The following COLEC10 variants were observed in gnomAD, a reference collection of about 807,000 sequenced individuals.
COLEC10 encodes the protein collectin-10.
COLEC10 carries 22 observed loss-of-function variants against 28.4 expected under a neutral mutation model. The observed-to-expected ratio is 0.78, with a 90% confidence interval of 0.55 to 1.11. The LOEUF (loss-of-function observed/expected upper bound fraction) is 1.11. COLEC10 is among the 50% of genes least tolerant of loss of function. The pLI is 0.00. For missense variants in COLEC10, 361 were observed against 344.1 expected, an observed-to-expected ratio of 1.05 and a Z score of -0.39; for synonymous variants, 125 against 116.1, an observed-to-expected ratio of 1.08 and a Z score of -0.49.
At chr8:119,093,748 T>C (rs1815657620) in intron 3 of COLEC10, among the ~76,000 whole-genome samples, 1 of 152,212 alleles carries the variant, frequency 6.6e-6, no homozygotes, top group Non-Finnish European at 1.5e-5. Flanking sequence ...CACCCATGGA[T>C]GATATATTTG....
chr8:119,000,576 C>T (rs528101336), intron 1 of COLEC10, among the ~76,000 whole-genome samples: 4 of 151,984 alleles, frequency 2.6e-5, no homozygotes, highest in African/African-American at 7.2e-5. Flanking sequence ...TACATCTGAA[C>T]ATGGAGTCTA....
chr8:119,069,546 GCATGGGCCATGAT>G (rs1300491157), intron 1 of COLEC10, among the ~76,000 whole-genome samples: 1 of 140,244 alleles, frequency 7.1e-6, no homozygotes, highest in Non-Finnish European at 1.5e-5. Flanking sequence ...AGTTGAGCCT[GCATGGGCCATGAT>G]CATGCCACTT....
At chr8:119,044,445 G>A (rs903611063) in intron 2 of COLEC10, among the ~76,000 whole-genome samples, 2 of 152,142 alleles carry the variant, frequency 1.3e-5, no homozygotes, top group African/African-American at 4.8e-5. Flanking sequence ...GTGTAGTTTT[G>A]CAAGGTGTAT....
intron 2 of COLEC10, among the ~76,000 whole-genome samples, chr8:119,055,368 A>AGT (rs1814742932): frequency 6.6e-6 from 1 of 152,102 alleles, no homozygotes; most frequent in South Asian, 2.1e-4. Flanking sequence ...CGTGCTCTTT[A>AGT]GTAACTCAAT....
the COLEC10 span, among the ~76,000 whole-genome samples, chr8:118,984,352 G>C: frequency 6.6e-6 from 1 of 152,080 alleles, no homozygotes; most frequent in East Asian, 1.9e-4. Flanking sequence ...GGTGGGAGAA[G>C]GGAGAGGATC....
the COLEC10 span, among the ~76,000 whole-genome samples, chr8:118,971,649 C>T: frequency 2.5e-4 from 38 of 151,934 alleles, no homozygotes; most frequent in Non-Finnish European, 4.7e-4. Flanking sequence ...GTATGCTATG[C>T]AGCCATTTTA....
At chr8:119,103,009 T>C (rs981202806) in intron 4 of COLEC10, among the ~76,000 whole-genome samples, 1 of 152,138 alleles carries the variant, frequency 6.6e-6, no homozygotes, top group African/African-American at 2.4e-5. Context: ...AGGCCATAGA[T>C]TTTTTTCCTT....
the COLEC10 span, among the ~76,000 whole-genome samples, chr8:118,967,199 T>C: frequency 4.6e-5 from 7 of 152,204 alleles, no homozygotes; most frequent in Non-Finnish European, 7.4e-5. Context: ...GGTAGGGGTC[T>C]GGCAAAAGTG....
the COLEC10 span, among the ~76,000 whole-genome samples, chr8:118,972,242 A>G: frequency 7.2e-5 from 11 of 151,946 alleles, no homozygotes; most frequent in Non-Finnish European, 1.5e-4. Context: ...CCACCAGCCC[A>G]GGTCTCTAGA....
chr8:119,065,721 A>G (rs1242613632), upstream of COLEC10, among the ~76,000 whole-genome samples: 5 of 151,700 alleles, frequency 3.3e-5, no homozygotes, highest in Non-Finnish European at 7.4e-5. Context: ...AGCCAGGTGC[A>G]GTGGTGTACA....
intron 2 of COLEC10, among the ~76,000 whole-genome samples, chr8:119,035,564 T>C (rs1171581535): frequency 6.6e-6 from 1 of 152,212 alleles, no homozygotes. Context: ...CAGAAAACCT[T>C]TCCTGAAAAG....
intron 2 of COLEC10, among the ~76,000 whole-genome samples, chr8:119,039,428 G>A (rs1261951048): frequency 6.6e-6 from 1 of 152,154 alleles, no homozygotes; most frequent in Non-Finnish European, 1.5e-5. Flanking sequence ...CCTAAGAGGG[G>A]AGGAACTACA....
intron 2 of COLEC10, among the ~76,000 whole-genome samples, chr8:119,026,892 G>T (rs951073235): frequency 6.6e-6 from 1 of 152,140 alleles, no homozygotes; most frequent in Non-Finnish European, 1.5e-5. Context: ...GGCTGCCCCT[G>T]GGAAGGGGAG....
At chr8:118,976,136 C>G in the COLEC10 span, among the ~76,000 whole-genome samples, 1 of 151,954 alleles carries the variant, frequency 6.6e-6, no homozygotes, top group East Asian at 1.9e-4. Context: ...CAGGTAGTAT[C>G]CAAATAAATT....
chr8:119,078,295 C>A (rs1176325814), intron 1 of COLEC10, among the ~76,000 whole-genome samples: 1 of 152,192 alleles, frequency 6.6e-6, no homozygotes, highest in Non-Finnish European at 1.5e-5. Flanking sequence ...TTGTTTGTAT[C>A]TGATCCAGTC....
intron 2 of COLEC10, among the ~76,000 whole-genome samples, chr8:119,018,790 T>A (rs7004052): frequency 0.58 from 88,756 of 151,978 alleles, 26,621 homozygotes; most frequent in African/African-American, 0.72. Context: ...TTCTTCCCTT[T>A]AGCATGGAGA....
chr8:118,975,795 T>C, the COLEC10 span, among the ~76,000 whole-genome samples: 14 of 152,124 alleles, frequency 9.2e-5, no homozygotes, highest in Admixed American at 7.9e-4. Flanking sequence ...AGAGGAAGAA[T>C]GACCAGGTGA....
At position 119,105,782 on chromosome 8, in the gene COLEC10, C is replaced by A. The variant is rs11987106; in HGVS notation, c.443-18C>A. 0.041 allele frequency: 65,529 copies of A among 1,585,038 alleles called. 3,829 individuals carry two copies. The highest frequency in any genetic ancestry group is 0.28 in the African/African-American group (21,023 of 73,984). ...CTTTTTGAGATACGTAATGATACTC[C>A]TTTTTCTCTCCCTGCAGTGATAGCA... On this transcript the variant is annotated intron_variant, in intron 5 of 5. Coordinates refer to ENST00000332843, the MANE Select transcript of COLEC10 (RefSeq NM_006438.5).
chr8:119,032,280 G>C (rs574948755), intron 2 of COLEC10, among the ~76,000 whole-genome samples: 58 of 152,298 alleles, frequency 3.8e-4, no homozygotes, highest in Non-Finnish European at 7.1e-4. Flanking sequence ...TGAAATTAAA[G>C]ACCTGTGTAG....
Sources: allele counts gnomAD v4.1 joint callset (sites outside exome capture counted in the v4.1 genomes callset), GRCh38; gene constraint gnomAD v4.1.1; transcripts MANE v1.5; gene names NCBI Gene and HGNC (gene_info 2026-07-23, HGNC 2026-07-21).